Variants in NOVA2 observed in about 807,000 individuals in gnomAD.
The protein encoded by NOVA2 is NOVA alternative splicing regulator 2.
In NOVA2, 9 loss-of-function variants were observed where a neutral mutation model predicts 22.5. The observed-to-expected ratio is 0.40, with a 90% CI of 0.24 to 0.70. The LOEUF (loss-of-function observed/expected upper bound fraction) is 0.70, where lower values mean the gene tolerates loss of function less well. NOVA2 is among the 30% of genes least tolerant of loss of function. The pLI is 0.38. For missense variants in NOVA2, 383 were observed against 682.8 expected, an observed-to-expected ratio of 0.56 and a Z score of 4.89; for synonymous variants, 318 against 335.2, an observed-to-expected ratio of 0.95 and a Z score of 0.56.
chr19:45,961,999 G>T (rs368053796), intron 1 of NOVA2, among the ~76,000 whole-genome samples: 1 of 152,190 alleles, frequency 6.6e-6, no homozygotes. Context: ...GTGGTGAGGG[G>T]TGATGGGGCT....
intron 1 of NOVA2, among the ~76,000 whole-genome samples, chr19:45,966,667 C>A (rs1968171898): frequency 6.6e-6 from 1 of 152,154 alleles, no homozygotes; most frequent in Non-Finnish European, 1.5e-5. Context: ...CACCTGAGGT[C>A]AGAAGTTCGA....
chr19:45,973,394 CGGCGGCGGCGGCGGCGGCTGCTGT>C lies in NOVA2; in HGVS notation c.-67_-44del, dbSNP rs1172384970. On this transcript the variant is annotated 5_prime_UTR_variant, in exon 1 of 4. Transcript: ENST00000263257. The stretch of plus-strand genomic sequence containing the variant: ...GCGGCTGCTGCTGCTGCGGCGGCTG[CGGCGGCGGCGGCGGCGGCTGCTGT>C]GGCGGCGGCGACGGCTGCTGGGGAG... The C allele has an allele frequency of 8.5e-6, 3 of 354,032 alleles. No individual in the cohort carries two copies. Among genetic ancestry groups the C allele is most frequent in the South Asian group, 1.2e-4 (1 of 8,596 alleles). 21.9% of individuals were successfully genotyped at this position (354,032 alleles called of 1,614,324 possible). A position where few individuals can be genotyped will look rare whatever the true frequency, so the allele number is the denominator to read the frequency against.
intron 1 of NOVA2, among the ~76,000 whole-genome samples, chr19:45,970,592 T>C (rs549247304): frequency 2.7e-4 from 41 of 152,170 alleles, no homozygotes; most frequent in African/African-American, 9.9e-4. Context: ...GCCAAGCTGT[T>C]CTTGAACTCC....
chr19:45,958,570 GGT>G (rs993002232), intron 2 of NOVA2, among the ~76,000 whole-genome samples: 8 of 149,292 alleles, frequency 5.4e-5, no homozygotes, highest in African/African-American at 9.8e-5. Flanking sequence ...TGGGTGTGAG[GGT>G]GTGAGTGTGA....
chr19:45,961,862 G>C (rs140977975), intron 1 of NOVA2, among the ~76,000 whole-genome samples: 1 of 152,310 alleles, frequency 6.6e-6, no homozygotes, highest in African/African-American at 2.4e-5. Flanking sequence ...TGAAGGACGA[G>C]TGAGTGCAAA....
chr19:45,953,469 T>C (rs958954092), intron 3 of NOVA2, among the ~76,000 whole-genome samples: 2 of 152,062 alleles, frequency 1.3e-5, no homozygotes, highest in Admixed American at 6.6e-5. Context: ...GACAATGGGA[T>C]GAGGTGGAAG....
chr19:45,942,460 TA>T (rs1195840560), intron 3 of NOVA2, among the ~76,000 whole-genome samples: 1 of 152,020 alleles, frequency 6.6e-6, no homozygotes, highest in Non-Finnish European at 1.5e-5. Flanking sequence ...TCATGAGATA[TA>T]AATACCTGTT....
intron 1 of NOVA2, among the ~76,000 whole-genome samples, chr19:45,969,578 T>C (rs1424841418): frequency 6.9e-6 from 1 of 145,356 alleles, no homozygotes; most frequent in Non-Finnish European, 1.5e-5. Context: ...GTAAGCTACG[T>C]TGAGGGTGTG....
chr19:45,948,611 AAAAAAG>A (rs1396144099), intron 3 of NOVA2, among the ~76,000 whole-genome samples: 1 of 151,824 alleles, frequency 6.6e-6, no homozygotes, highest in Admixed American at 6.6e-5. Flanking sequence ...AAAAAAAAAA[AAAAAAG>A]AAAAAAGAAA....
Position 45,945,838 on chromosome 19 carries a change from A to AT in NOVA2, c.397-4894dup, listed in dbSNP as rs113215875. ...CCCTGACTTTATTATTATTATTATT[A>AT]TTTTTTTTTTTTTTGAGACACAGTC... is the stretch of plus-strand genomic sequence containing the variant. On this transcript the variant is annotated intron_variant, in intron 3 of 3. Coordinates refer to ENST00000263257, the MANE Select transcript of NOVA2 (RefSeq NM_002516.4). Among the ~76,000 whole-genome samples, 104 of 144,678 alleles carry AT rather than the reference A, an allele frequency of 7.2e-4. 1 individual carries two copies. Among genetic ancestry groups the AT allele is most frequent in the Middle Eastern group, 3.6e-3 (1 of 274 alleles). 94.9% of individuals were successfully genotyped at this position (144,678 alleles called of 152,430 possible).
At chr19:45,961,364 A>G (rs900805689) in intron 1 of NOVA2, among the ~76,000 whole-genome samples, 5 of 152,218 alleles carry the variant, frequency 3.3e-5, no homozygotes, top group African/African-American at 1.2e-4. Context: ...AAGAAAATAG[A>G]CAAAGCTCCC....
At chr19:45,965,434 G>A (rs1014220770) in intron 1 of NOVA2, among the ~76,000 whole-genome samples, 4 of 152,196 alleles carry the variant, frequency 2.6e-5, no homozygotes, top group African/African-American at 4.8e-5. Context: ...TCTAGACTAA[G>A]AGTGACGTTT....
intron 2 of NOVA2, among the ~76,000 whole-genome samples, chr19:45,957,222 T>A (rs893610181): frequency 6.6e-6 from 1 of 151,620 alleles, no homozygotes; most frequent in Non-Finnish European, 1.5e-5. Context: ...CTGGGCAATA[T>A]AGCGAGACCC....
chr19:45,940,052 C>T lies in NOVA2; in HGVS notation c.1290G>A (p.Val430=). The T allele has an allele frequency of 6.2e-7, 1 of 1,614,056 alleles. No individual in the cohort carries two copies. The highest frequency in any genetic ancestry group is 8.5e-7 in the Non-Finnish European group (1 of 1,179,968). Residue 430 remains valine, a synonymous_variant, in exon 4 of 4, where the codon GTG becomes GTA. Transcript: ENST00000263257. ...GAGCGCCCGTCAGCTCCTGGTACTC[C>T]ACCAACGTCTTGCCCCCCTTCCCCA... ...AILGKGGKTL[V]EYQELTGARI... is the part of the protein sequence containing the mutation.
chr19:45,960,659 G>A (rs1379857819), intron 2 of NOVA2, among the ~76,000 whole-genome samples: 3 of 151,996 alleles, frequency 2.0e-5, no homozygotes, highest in Non-Finnish European at 4.4e-5. Context: ...ATGGCTGGCT[G>A]GCCCCCAAGC....
At chr19:45,952,251 C>T (rs766189593) in intron 3 of NOVA2, among the ~76,000 whole-genome samples, 14 of 152,162 alleles carry the variant, frequency 9.2e-5, no homozygotes, top group Non-Finnish European at 1.8e-4. Flanking sequence ...CAAACATCAA[C>T]GAACACTAAC....
intron 2 of NOVA2, among the ~76,000 whole-genome samples, chr19:45,954,855 G>GGTGT (rs10598680): frequency 0.055 from 7,896 of 144,694 alleles, 224 homozygotes; most frequent in East Asian, 0.1. Context: ...GCTGGTGAGT[G>GGTGT]GTGTGTGTGT....
chr19:45,962,283 C>T (rs1457540009), intron 1 of NOVA2: 4 of 153,096 alleles, frequency 2.6e-5, no homozygotes, highest in Admixed American at 2.0e-4. Flanking sequence ...TTTGATCAGG[C>T]GCTGTGCTGA....
chr19:45,940,351 C>G lies in NOVA2; in HGVS notation c.991G>C (p.Ala331Pro). Reference protein sequence around the residue: ...AAAANLLASYAGEAGAGPAGG... With the variant: ...AAAANLLASYPGEAGAGPAGG... ...GCTGGCCCGGCCCCGGCCTCGCCCG[C>G]GTAGGATGCCAGGAGGTTGGCGGCG... Residue 331 changes from alanine (A) to proline (P), a missense_variant, in exon 4 of 4, where the codon GCG becomes CCG. Physicochemically the swap from Ala to Pro is conservative, Grantham distance 27 (BLOSUM62 -1). Coordinates refer to ENST00000263257, the MANE Select transcript of NOVA2 (RefSeq NM_002516.4). 3.0e-6 allele frequency: 4 copies of G among 1,336,406 alleles called. No individual in the cohort carries two copies. The highest frequency in any genetic ancestry group is 3.9e-6 in the Non-Finnish European group (4 of 1,037,990). The allele number at this position is 1,336,406 out of a possible 1,614,324, so 82.8% of individuals were successfully genotyped here.
Sources: allele counts gnomAD v4.1 joint callset (sites outside exome capture counted in the v4.1 genomes callset), GRCh38; gene constraint gnomAD v4.1.1; transcripts MANE v1.5; gene names NCBI Gene and HGNC (gene_info 2026-07-23, HGNC 2026-07-21).